TRPM3: variants seen among roughly 807,000 people sequenced by gnomAD.
TRPM3 encodes transient receptor potential cation channel subfamily M member 3.
A neutral mutation model predicts 181.2 loss-of-function variants in TRPM3; 77 were observed. The ratio of observed to expected loss-of-function variants is 0.42; its 90% CI spans 0.35 to 0.51. The LOEUF is 0.51. Among genes scored for constraint, TRPM3 ranks in the 20% least tolerant of loss-of-function variants. The pLI, the probability that TRPM3 is intolerant of heterozygous loss-of-function variation, is 0.01. For missense variants in TRPM3, 1,759 were observed against 2,196.7 expected (o/e 0.80, Z 3.98); for synonymous variants, 745 against 796.4 (o/e 0.94, Z 1.09).
At chr9:71,187,354 C>A (rs1318581036) in intron 1 of TRPM3, among the ~76,000 whole-genome samples, 1 of 151,986 alleles carries the variant, frequency 6.6e-6, no homozygotes, top group Admixed American at 6.6e-5. Context: ...TTCCTACTCA[C>A]AGTTCCAACA....
intron 1 of TRPM3, among the ~76,000 whole-genome samples, chr9:71,413,013 C>T (rs920553853): frequency 7.2e-5 from 11 of 152,270 alleles, no homozygotes; most frequent in African/African-American, 1.7e-4. Flanking sequence ...AAACCAAACA[C>T]CGCATGTTCT....
At chr9:71,217,706 A>C (rs1381531773) in intron 1 of TRPM3, among the ~76,000 whole-genome samples, 3 of 152,178 alleles carry the variant, frequency 2.0e-5, no homozygotes, top group Non-Finnish European at 4.4e-5. Flanking sequence ...TCTGAGACAG[A>C]CCATTCTGCT....
At chr9:70,819,979 A>C (rs2093029617) in intron 6 of TRPM3, among the ~76,000 whole-genome samples, 1 of 152,212 alleles carries the variant, frequency 6.6e-6, no homozygotes, top group Non-Finnish European at 1.5e-5. Flanking sequence ...AAAAAATCTG[A>C]TATTGACTCA....
intron 1 of TRPM3, among the ~76,000 whole-genome samples, chr9:71,361,143 C>T (rs6560199): frequency 0.45 from 68,050 of 152,034 alleles, 15,338 homozygotes; most frequent in South Asian, 0.53. Flanking sequence ...TGCACCACCA[C>T]GCCCAGCTAA....
intron 1 of TRPM3, among the ~76,000 whole-genome samples, chr9:71,282,239 G>C (rs2084837327): frequency 1.1e-5 from 1 of 92,250 alleles, no homozygotes; most frequent in Non-Finnish European, 2.2e-5. Context: ...GAAAAAGAAA[G>C]AATGAAAGAA....
intron 1 of TRPM3, among the ~76,000 whole-genome samples, chr9:71,205,789 G>A (rs2131762260): frequency 6.6e-6 from 1 of 152,190 alleles, no homozygotes; most frequent in East Asian, 1.9e-4. Context: ...AATGTTTCTG[G>A]CCTGAGACTG....
At chr9:70,548,391 T>G (rs1186207555) in intron 25 of TRPM3, among the ~76,000 whole-genome samples, 1 of 152,238 alleles carries the variant, frequency 6.6e-6, no homozygotes, top group Non-Finnish European at 1.5e-5. Flanking sequence ...TATGTGTATA[T>G]ACCTACTTAC....
intron 1 of TRPM3, among the ~76,000 whole-genome samples, chr9:71,221,164 TGGCCTTGGGCC>T (rs2080216523): frequency 1.3e-5 from 2 of 152,242 alleles, no homozygotes; most frequent in Admixed American, 1.3e-4. Context: ...CTGTAAATTA[TGGCCTTGGGCC>T]AAATCCTGAC....
At chr9:70,838,923 T>G (rs562906335) in intron 5 of TRPM3, among the ~76,000 whole-genome samples, 1 of 152,264 alleles carries the variant, frequency 6.6e-6, no homozygotes, top group Non-Finnish European at 1.5e-5. Flanking sequence ...GTCCCTCAGA[T>G]GGGTAGATCA....
chr9:71,187,390 C>T (rs560341601), intron 1 of TRPM3, among the ~76,000 whole-genome samples: 15 of 151,920 alleles, frequency 9.9e-5, no homozygotes, highest in Non-Finnish European at 1.2e-4. Flanking sequence ...CTTATTCCTC[C>T]ACATCTTCCT....
intron 1 of TRPM3, among the ~76,000 whole-genome samples, chr9:71,201,273 G>A (rs1034311408): frequency 3.3e-5 from 5 of 152,130 alleles, no homozygotes; most frequent in Admixed American, 6.6e-5. Context: ...CCCTTTGTGG[G>A]TAACCCGACC....
intron 1 of TRPM3, among the ~76,000 whole-genome samples, chr9:71,079,365 CT>C (rs1457332478): frequency 6.6e-6 from 1 of 152,130 alleles, no homozygotes; most frequent in African/African-American, 2.4e-5. Context: ...CTCAGGATGG[CT>C]TCTGTCATAA....
At chr9:71,393,248 G>A (rs1012182873) in intron 1 of TRPM3, among the ~76,000 whole-genome samples, 6 of 152,148 alleles carry the variant, frequency 3.9e-5, no homozygotes, top group Admixed American at 2.6e-4. Flanking sequence ...TGCATAGAAC[G>A]GAAGTTTGAG....
At position 71,047,810 on chromosome 9, in the gene TRPM3, T is replaced by TCTCA. The variant is rs1301276820; in HGVS notation, c.177+73367_177+73368insTGAG. 1.4e-3 allele frequency among the ~76,000 whole-genome samples: 200 copies of TCTCA among 141,622 alleles called. 2 individuals are homozygous for TCTCA. Among genetic ancestry groups the TCTCA allele is most frequent in the African/African-American group, 5.0e-3 (189 of 37,516 alleles). 92.9% of individuals were successfully genotyped at this position (141,622 alleles called of 152,430 possible). ...TCAAGATACAAGACTACTGGCTGCA[T>TCTCA]CACACACACACACACACACACACAC... On this transcript the variant is annotated intron_variant, in intron 1 of 25. Coordinates refer to ENST00000677713, the MANE Select transcript of TRPM3 (RefSeq NM_001366145.2).
At chr9:71,331,511 T>C (rs1460054676) in intron 1 of TRPM3, among the ~76,000 whole-genome samples, 2 of 151,794 alleles carry the variant, frequency 1.3e-5, no homozygotes, top group Non-Finnish European at 2.9e-5. Context: ...AATTATTCTA[T>C]ATTCTACATT....
chr9:71,407,336 T>C (rs2093456534), intron 1 of TRPM3, among the ~76,000 whole-genome samples: 1 of 152,194 alleles, frequency 6.6e-6, no homozygotes, highest in African/African-American at 2.4e-5. Context: ...AGGGAAGCCA[T>C]GACAGCTGGT....
At chr9:71,256,786 T>TA (rs995030394) in intron 1 of TRPM3, among the ~76,000 whole-genome samples, 10 of 152,074 alleles carry the variant, frequency 6.6e-5, no homozygotes, top group South Asian at 4.1e-4. Context: ...CAAGGCATGT[T>TA]AAAAAAATCT....
chr9:70,637,181 C>T (rs973279996), intron 11 of TRPM3, among the ~76,000 whole-genome samples: 8 of 152,078 alleles, frequency 5.3e-5, no homozygotes, highest in Admixed American at 3.9e-4. Flanking sequence ...TGGCTCTGAA[C>T]GTGGGCAAGC....
chr9:70,901,795 T>C (rs2096390797), intron 1 of TRPM3, among the ~76,000 whole-genome samples: 1 of 152,198 alleles, frequency 6.6e-6, no homozygotes, highest in Admixed American at 6.5e-5. Context: ...TTCCAAGTTA[T>C]TAATTTCCAA....
Sources: allele counts gnomAD v4.1 joint callset (sites outside exome capture counted in the v4.1 genomes callset), GRCh38; gene constraint gnomAD v4.1.1; transcripts MANE v1.5; gene names NCBI Gene and HGNC (gene_info 2026-07-23, HGNC 2026-07-21).